SCLT1: variants seen among roughly 807,000 people sequenced by gnomAD.
SCLT1 encodes sodium channel-associated protein 1.
In SCLT1, 78 loss-of-function variants were observed where a neutral mutation model predicts 112.8. That is an observed-to-expected ratio of 0.69 (90% CI 0.58 to 0.83). The LOEUF (loss-of-function observed/expected upper bound fraction) is 0.83. SCLT1 is among the 40% of genes least tolerant of loss of function. The pLI is 0.00. For synonymous variants in SCLT1, 257 were observed against 254.7 expected (o/e 1.01, Z -0.09); for missense variants, 747 against 770.4 (o/e 0.97, Z 0.36).
chr4:129,032,643 G>A (rs1560991851), intron 5 of SCLT1, among the ~76,000 whole-genome samples: 2 of 149,502 alleles, frequency 1.3e-5, no homozygotes, highest in African/African-American at 4.9e-5. Context: ...AAATTTACAA[G>A]AAAAAAAAAC....
chr4:128,986,529 C>T (rs1054394203), intron 9 of SCLT1, among the ~76,000 whole-genome samples: 3 of 152,170 alleles, frequency 2.0e-5, no homozygotes, highest in African/African-American at 7.2e-5. Context: ...CCTTCCCAAA[C>T]TCCAGGCAGT....
chr4:128,963,783 A>G (rs1419341943), intron 11 of SCLT1, among the ~76,000 whole-genome samples: 1 of 152,138 alleles, frequency 6.6e-6, no homozygotes, highest in Non-Finnish European at 1.5e-5. Flanking sequence ...TCCTCTACCT[A>G]TATTAGTTAT....
At chr4:129,067,847 A>C (rs928635305) in intron 2 of SCLT1, among the ~76,000 whole-genome samples, 1 of 150,498 alleles carries the variant, frequency 6.6e-6, no homozygotes, top group Non-Finnish European at 1.5e-5. Context: ...TTTTTTTTTA[A>C]ATGTTATTTC....
rs936400966 is a variant in SCLT1, at chr4:129,039,079, C to A, written c.252G>T (p.Met84Ile). The A allele has an allele frequency of 6.3e-7, 1 of 1,597,468 alleles. No individual in the cohort carries two copies. Among genetic ancestry groups the A allele is most frequent in the South Asian group, 1.1e-5 (1 of 90,572 alleles). Residue 84 changes from methionine to isoleucine, a missense_variant, in exon 5 of 21, where the codon ATG becomes ATT. By Grantham distance (10) the Met-to-Ile change is conservative. Transcript: ENST00000281142. ...TGATGACATTTTCAAGTTGTAATTT[C>A]ATCTCACCCACCTGTTTCTGAAAGA... ...LKYYQKQVGEMKLQLENVIKE... is the reference protein window; with the variant it reads ...LKYYQKQVGEIKLQLENVIKE...
In SCLT1 at chr4:128,878,526, CT is replaced by C. The variant is rs1422133547; in HGVS notation, n.226-1891del. 3.3e-5 allele frequency among the ~76,000 whole-genome samples: 5 copies of C among 152,100 alleles called. No homozygotes were observed. In the East Asian group the frequency reaches 7.7e-4, roughly 23 times the overall value. ...ATTCAGTTCCATCCTTGGAGCTTCT[CT>C]TTTTTATATCAAAAGCTTGTGATGG... On this transcript the variant is annotated intron_variant and non_coding_transcript_variant, in intron 3 of 7. Transcript: ENST00000503565.
chr4:129,054,990 T>C (rs983723556), intron 2 of SCLT1, among the ~76,000 whole-genome samples: 31 of 152,328 alleles, frequency 2.0e-4, no homozygotes, highest in Admixed American at 9.8e-4. Context: ...TTTCCGTTTT[T>C]TAGCTTTTCT....
At chr4:129,083,283 C>G (rs987597423) in intron 1 of SCLT1, among the ~76,000 whole-genome samples, 1 of 149,390 alleles carries the variant, frequency 6.7e-6, no homozygotes, top group Non-Finnish European at 1.5e-5. Context: ...AACATACATA[C>G]AACATAGTAC....
At chr4:128,957,219 A>C in intron 12 of SCLT1, 95 bp from the exon 13 acceptor site, 1 of 647,100 alleles carries the variant, frequency 1.5e-6, no homozygotes, top group Non-Finnish European at 2.6e-6. Context: ...TCCTTATTCA[A>C]AACTTCTGGG....
intron 5 of SCLT1, chr4:128,873,273 G>GAAAAAAAAAAAAAAAA (rs1553953485): frequency 2.5e-5 from 2 of 78,650 alleles, no homozygotes; most frequent in South Asian, 4.3e-4. Context: ...AAAAAAAAAA[G>GAAAAAAAAAAAAAAAA]AAAAAAAGAA....
intron 10 of SCLT1, among the ~76,000 whole-genome samples, chr4:128,968,273 ACT>A (rs1430768687): frequency 1.3e-5 from 2 of 151,700 alleles, no homozygotes; most frequent in South Asian, 2.1e-4. Flanking sequence ...AATCTTTTAA[ACT>A]CTCTGTTCTT....
intron 18 of SCLT1, among the ~76,000 whole-genome samples, chr4:128,894,106 GT>G (rs1733544120): frequency 6.6e-6 from 1 of 151,842 alleles, no homozygotes; most frequent in Non-Finnish European, 1.5e-5. Context: ...TGCCCGGCTA[GT>G]TTTTTTGTAT....
rs531089098 is a variant in SCLT1, at chr4:129,043,411, T to C, written c.218A>G (p.Gln73Arg). ...ATTTCATACCTGGTAATATTTCAGC[T>C]GCCCATTTAGTTCTCCTAGGTGTTT... ...YDKHLGELNG[Q>R]LKYYQKQVGE... Residue 73 changes from glutamine (Q) to arginine (R), a missense_variant, in exon 4 of 21, where the codon CAG becomes CGG. Gln to Arg is a conservative substitution (Grantham distance 43, BLOSUM62 1). Transcript: ENST00000281142. The C allele has an allele frequency of 2.0e-6, 3 of 1,521,984 alleles. No individual in the cohort carries two copies. In the Admixed American group the frequency reaches 5.5e-5, roughly 28 times the overall value. The allele number at this position is 1,521,984 out of a possible 1,614,324, so 94.3% of individuals were successfully genotyped here.
intron 5 of SCLT1, among the ~76,000 whole-genome samples, chr4:129,008,529 A>T (rs1350484475): frequency 1.3e-5 from 2 of 151,964 alleles, no homozygotes; most frequent in Non-Finnish European, 2.9e-5. Context: ...CTACTTTTGA[A>T]ATTTTTCAGC....
At chr4:128,997,980 GTTGT>G (rs778225168) in intron 7 of SCLT1, 41 bp from the exon 8 acceptor site, 1 of 1,023,444 alleles carries the variant, frequency 9.8e-7, no homozygotes, top group Non-Finnish European at 1.4e-6. Flanking sequence ...ATAGCATTTT[GTTGT>G]TTATAACCCA....
At chr4:128,902,237 C>T (rs1734374106) in intron 18 of SCLT1, among the ~76,000 whole-genome samples, 1 of 152,094 alleles carries the variant, frequency 6.6e-6, no homozygotes, top group Non-Finnish European at 1.5e-5. Context: ...TTTTTAGTTT[C>T]CACAGTATCT....
intron 9 of SCLT1, among the ~76,000 whole-genome samples, chr4:128,989,053 C>A (rs1742339191): frequency 6.6e-6 from 1 of 151,830 alleles, no homozygotes; most frequent in Non-Finnish European, 1.5e-5. Flanking sequence ...ACCCCTCTTT[C>A]AGAATTGGAC....
intron 5 of SCLT1, among the ~76,000 whole-genome samples, chr4:129,020,927 C>T (rs1469952946): frequency 1.3e-5 from 2 of 151,908 alleles, no homozygotes; most frequent in Non-Finnish European, 2.9e-5. Flanking sequence ...GTGGAAAAGA[C>T]AAATAATAAG....
chr4:128,878,094 A>AAT (rs1732561766), intron 3 of SCLT1, among the ~76,000 whole-genome samples: 1 of 152,214 alleles, frequency 6.6e-6, no homozygotes, highest in African/African-American at 2.4e-5. Context: ...GTTGAGAACT[A>AAT]ATATCTTAAC....
At chr4:128,916,452 T>C (rs955614965) in intron 18 of SCLT1, among the ~76,000 whole-genome samples, 1 of 152,332 alleles carries the variant, frequency 6.6e-6, no homozygotes, top group African/African-American at 2.4e-5. Flanking sequence ...CTTTCTCTTA[T>C]ACTTGACCCA....
Sources: allele counts gnomAD v4.1 joint callset (sites outside exome capture counted in the v4.1 genomes callset), GRCh38; gene constraint gnomAD v4.1.1; transcripts MANE v1.5; gene names NCBI Gene and HGNC (gene_info 2026-07-23, HGNC 2026-07-21).